The following NPIPB11 variants were observed in gnomAD, a reference collection of about 807,000 sequenced individuals.
NPIPB11 encodes the protein nuclear pore complex interacting protein family member B11, also known as nuclear pore complex-interacting protein family member B11.
A neutral mutation model predicts 32.8 loss-of-function variants in NPIPB11; 17 were observed. That is an observed-to-expected ratio of 0.52 (90% confidence interval 0.35 to 0.78). The LOEUF is 0.78. Among genes scored for constraint, NPIPB11 ranks in the 30% least tolerant of loss-of-function variants. The pLI is 0.01. For missense variants in NPIPB11, 537 were observed against 1,000.4 expected, an observed-to-expected ratio of 0.54 and a Z score of 6.25; for synonymous variants, 209 against 398.4, an observed-to-expected ratio of 0.52 and a Z score of 5.66.
intron 2 of NPIPB11, chr16:29,397,678 G>C: frequency 8.9e-7 from 1 of 1,127,426 alleles, no homozygotes; most frequent in East Asian, 3.1e-5. Flanking sequence ...AGGCGTCCAG[G>C]ACAGAGGTGG....
At chr16:29,390,571 GA>G (rs1351263140) in intron 3 of NPIPB11, among the ~76,000 whole-genome samples, 1 of 150,944 alleles carries the variant, frequency 6.6e-6, no homozygotes, top group African/African-American at 2.4e-5. Flanking sequence ...AGAACCGTTT[GA>G]AGCTGGGAGG....
At chr16:29,391,525 C>G (rs200830445) in intron 3 of NPIPB11, among the ~76,000 whole-genome samples, 1 of 146,778 alleles carries the variant, frequency 6.8e-6, no homozygotes, top group African/African-American at 2.5e-5. Flanking sequence ...TCCCTCACAT[C>G]AGCTTCATTG....
At chr16:29,406,655 AG>A (rs1964119501), upstream of NPIPB11, among the ~76,000 whole-genome samples, 2 of 152,300 alleles carry the variant, frequency 1.3e-5, no homozygotes, top group Admixed American at 6.5e-5. Context: ...CGGAGGTTGC[AG>A]TGAGCCGAGA....
chr16:29,401,117 G>A (rs1217357531), intron 2 of NPIPB11, among the ~76,000 whole-genome samples: 7 of 152,072 alleles, frequency 4.6e-5, no homozygotes, highest in East Asian at 3.9e-4. Flanking sequence ...ATACATGCAC[G>A]ACACGGGGGC....
At chr16:29,399,002 G>A (rs1283975337) in intron 2 of NPIPB11, among the ~76,000 whole-genome samples, 1 of 151,454 alleles carries the variant, frequency 6.6e-6, no homozygotes, top group Non-Finnish European at 1.5e-5. Flanking sequence ...TCTCAGGGAT[G>A]TCCAAGGAAT....
At chr16:29,391,350 A>ATAAG in intron 3 of NPIPB11, among the ~76,000 whole-genome samples, 1 of 147,952 alleles carries the variant, frequency 6.8e-6, no homozygotes, top group Admixed American at 6.8e-5. Context: ...TTATCATCTT[A>ATAAG]TAAGTATTTT....
upstream of NPIPB11, among the ~76,000 whole-genome samples, chr16:29,406,231 G>A (rs1395804471): frequency 1.3e-5 from 2 of 152,254 alleles, no homozygotes; most frequent in Non-Finnish European, 2.9e-5. Flanking sequence ...AAATGGGCAG[G>A]CATTGTCAAA....
At position 29,399,706 on chromosome 16, in the gene NPIPB11, CA is replaced by C. The variant is rs1338698857; in HGVS notation, c.120+3976del. Among the ~76,000 whole-genome samples the C allele has an allele frequency of 4.0e-5, 6 of 151,626 alleles. No individual in the cohort carries two copies. The East Asian group carries it at 1.2e-3, about 30-fold the overall frequency. ...GAGCGAGACTCTGTCTCAAAAACAG[CA>C]ACAACTACAAACAAACAAAAAACAG... On this transcript the variant is annotated intron_variant, in intron 2 of 7. Coordinates refer to ENST00000524087, the Ensembl canonical transcript of NPIPB11.
intron 2 of NPIPB11, among the ~76,000 whole-genome samples, chr16:29,399,638 C>A (rs1176069052): frequency 6.6e-6 from 1 of 152,002 alleles, no homozygotes; most frequent in Non-Finnish European, 1.5e-5. Flanking sequence ...GCAGAGTCTG[C>A]AGTGAGCCGA....
rs200509686 is a variant in NPIPB11, at chr16:29,389,831, T to C, written c.545+110A>G. Reference sequence around the variant, plus strand: ...GAAAGGACAAACTCAATTTTGAACCTACTGAATTTGCCACAAATATTGTAG... The same window carrying C: ...GAAAGGACAAACTCAATTTTGAACCCACTGAATTTGCCACAAATATTGTAG... On this transcript the variant is annotated intron_variant, in intron 5 of 7. Coordinates refer to ENST00000524087, the Ensembl canonical transcript of NPIPB11. 33,050 of 1,547,982 alleles carry C rather than the reference T, an allele frequency of 0.021. 2,747 individuals carry two copies. The East Asian group carries it at 0.25, about 12-fold the overall frequency.
chr16:29,397,231 G>T (rs1443105996), intron 2 of NPIPB11, among the ~76,000 whole-genome samples: 4 of 149,590 alleles, frequency 2.7e-5, no homozygotes, highest in Non-Finnish European at 4.4e-5. Flanking sequence ...ACTTTGTTTT[G>T]GTCCACTTTG....
chr16:29,403,671 GCACT>G lies in NPIPB11; in HGVS notation c.120+8_120+11del. 3.3e-6 allele frequency: 5 copies of G among 1,525,822 alleles called. No homozygotes were observed. Among genetic ancestry groups the G allele is most frequent in the Admixed American group, 2.0e-5 (1 of 51,046 alleles). 94.5% of individuals were successfully genotyped at this position (1,525,822 alleles called of 1,614,324 possible). ...CAAGGGCACCAGGCCCCATCTGTCTGCACTCACTCACCTTCCTCAGGTACTCGCA... is the reference window on the plus strand; with the variant it reads ...CAAGGGCACCAGGCCCCATCTGTCTGCACTCACCTTCCTCAGGTACTCGCA... On this transcript the variant is annotated splice_region_variant and intron_variant, in intron 2 of 7. Transcript: ENST00000524087.
At chr16:29,405,624 G>A (rs1049193583), upstream of NPIPB11, among the ~76,000 whole-genome samples, 1 of 152,046 alleles carries the variant, frequency 6.6e-6, no homozygotes, top group Non-Finnish European at 1.5e-5. Context: ...TAGTAAGTGT[G>A]GAGACCTTGC....
intron 2 of NPIPB11, among the ~76,000 whole-genome samples, chr16:29,401,537 A>G (rs1484317779): frequency 2.0e-5 from 3 of 152,046 alleles, no homozygotes; most frequent in Non-Finnish European, 4.4e-5. Context: ...GTCATTTCCC[A>G]TCAGTTCCCC....
intron 2 of NPIPB11, among the ~76,000 whole-genome samples, chr16:29,397,025 A>T (rs762996732): frequency 0.021 from 3,243 of 151,574 alleles, 51 homozygotes; most frequent in South Asian, 0.048. Flanking sequence ...GTCTACTAAA[A>T]ATACAAAAAT....
At chr16:29,406,444 A>C (rs1964116098), upstream of NPIPB11, among the ~76,000 whole-genome samples, 1 of 152,262 alleles carries the variant, frequency 6.6e-6, no homozygotes. Context: ...ATGGCTGGGC[A>C]CCGTCACTCA....
At chr16:29,398,960 G>A (rs1251463072) in intron 2 of NPIPB11, among the ~76,000 whole-genome samples, 4 of 151,422 alleles carry the variant, frequency 2.6e-5, no homozygotes, top group Non-Finnish European at 5.9e-5. Flanking sequence ...CAAATGAGGG[G>A]GAGAAAACCA....
chr16:29,391,782 G>A (rs547775164), intron 3 of NPIPB11, among the ~76,000 whole-genome samples: 5,514 of 151,976 alleles, frequency 0.036, 171 homozygotes, highest in Middle Eastern at 0.058. Context: ...GTGCAGTGGC[G>A]CTACCTTGGC....
rs750884961 is a variant in NPIPB11 at position 29,383,175 on chromosome 16, T to C, written c.1757A>G (p.His586Arg). The C allele has an allele frequency of 3.0e-5, 48 of 1,580,550 alleles. 1 individual carries two copies. In the Middle Eastern group the frequency reaches 2.1e-3, roughly 69 times the overall value. The change falls in exon 8 of 8, where the codon CAT becomes CGT. Residue 586 changes from histidine (H) to arginine (R), a missense_variant. His to Arg is a conservative substitution (Grantham distance 29). Coordinates refer to ENST00000524087, the Ensembl canonical transcript of NPIPB11. ...CTGAGGGTGGAAGCGGAACTGCAGATGCTCGGCAGGTGTCTTGATATTATC... is the reference window on the plus strand; with the variant it reads ...CTGAGGGTGGAAGCGGAACTGCAGACGCTCGGCAGGTGTCTTGATATTATC...
Sources: gnomAD v4.1 joint callset for allele counts (sites outside exome capture counted in the v4.1 genomes callset) on GRCh38, gnomAD v4.1.1 for gene constraint, MANE v1.5 for transcripts, NCBI Gene and HGNC (gene_info 2026-07-23, HGNC 2026-07-21) for gene names.